The following NRG3 variants were observed in gnomAD, a reference collection of about 807,000 sequenced individuals.
NRG3 encodes neuregulin 3, also known as pro-neuregulin-3, membrane-bound isoform.
A neutral mutation model predicts 66.9 loss-of-function variants in NRG3; 31 were observed. The ratio of observed to expected loss-of-function variants is 0.46; its 90% CI spans 0.35 to 0.63. NRG3 has a LOEUF of 0.63. Among genes scored for constraint, NRG3 ranks in the 20% least tolerant of loss-of-function variants. NRG3 has a pLI of 0.00. For missense variants in NRG3, 910 were observed against 878.9 expected (o/e 1.04, Z -0.45); for synonymous variants, 393 against 359.4 (o/e 1.09, Z -1.06).
intron 1 of NRG3, among the ~76,000 whole-genome samples, chr10:82,247,379 G>T (rs116461494): frequency 6.6e-6 from 1 of 152,076 alleles, no homozygotes; most frequent in African/African-American, 2.4e-5. Context: ...CCACCTTCTC[G>T]CATGTCCCCT....
chr10:82,518,531 G>A (rs1010813367), intron 2 of NRG3, among the ~76,000 whole-genome samples: 12 of 152,164 alleles, frequency 7.9e-5, no homozygotes, highest in African/African-American at 2.9e-4. Context: ...ATTTGTAAAT[G>A]TTTAGAATGA....
At chr10:82,569,883 A>G (rs1275374831) in intron 2 of NRG3, among the ~76,000 whole-genome samples, 2 of 151,662 alleles carry the variant, frequency 1.3e-5, no homozygotes, top group Non-Finnish European at 3.0e-5. Context: ...CAAGCATATC[A>G]TTGCCAAAAC....
chr10:82,757,413 G>A (rs1294741891), intron 3 of NRG3, among the ~76,000 whole-genome samples: 2 of 152,040 alleles, frequency 1.3e-5, no homozygotes, highest in African/African-American at 4.8e-5. Flanking sequence ...TGATTAGATT[G>A]CTACTTTATT....
At chr10:82,508,473 G>A (rs1156274573) in intron 2 of NRG3, among the ~76,000 whole-genome samples, 2 of 152,078 alleles carry the variant, frequency 1.3e-5, no homozygotes, top group African/African-American at 4.8e-5. Context: ...CAACAGCAAT[G>A]AAAACACCAA....
At chr10:82,678,803 T>C (rs775248106) in intron 2 of NRG3, among the ~76,000 whole-genome samples, 5 of 152,200 alleles carry the variant, frequency 3.3e-5, no homozygotes, top group Non-Finnish European at 7.3e-5. Context: ...TGGGTTCTGA[T>C]GCCTACTGCA....
At chr10:82,011,062 A>G (rs2061555508) in intron 1 of NRG3, among the ~76,000 whole-genome samples, 1 of 152,156 alleles carries the variant, frequency 6.6e-6, no homozygotes, top group East Asian at 1.9e-4. Flanking sequence ...CACCTCATAC[A>G]TAGAATATTG....
chr10:82,174,419 A>G (rs2072873987), intron 1 of NRG3, among the ~76,000 whole-genome samples: 2 of 151,690 alleles, frequency 1.3e-5, no homozygotes, highest in South Asian at 2.1e-4. Flanking sequence ...CATTAAGCCA[A>G]TCTTTCCTCA....
At chr10:82,842,304 C>T (rs958490905) in intron 3 of NRG3, among the ~76,000 whole-genome samples, 2 of 152,168 alleles carry the variant, frequency 1.3e-5, no homozygotes, top group Non-Finnish European at 2.9e-5. Context: ...GACTTGTATA[C>T]ATGCCAGTAG....
chr10:82,660,919 C>T (rs1281897707), intron 2 of NRG3, among the ~76,000 whole-genome samples: 5 of 152,026 alleles, frequency 3.3e-5, no homozygotes, highest in Admixed American at 6.6e-5. Context: ...TCAATGTCCT[C>T]CCTCTTCCAT....
chr10:82,152,932 AAAT>A (rs2132818331), intron 1 of NRG3, among the ~76,000 whole-genome samples: 1 of 149,640 alleles, frequency 6.7e-6, no homozygotes, highest in South Asian at 2.1e-4. Context: ...CTTAATTAAC[AAAT>A]AATAATTGCA....
chr10:82,270,213 G>A (rs2078521198), intron 1 of NRG3, among the ~76,000 whole-genome samples: 1 of 152,076 alleles, frequency 6.6e-6, no homozygotes, highest in South Asian at 2.1e-4. Context: ...CATTATTGCT[G>A]TGGATGGGAT....
intron 1 of NRG3, among the ~76,000 whole-genome samples, chr10:82,339,687 C>T (rs2082578523): frequency 6.6e-6 from 1 of 152,066 alleles, no homozygotes; most frequent in Non-Finnish European, 1.5e-5. Context: ...TGTTGAGGTT[C>T]AAATGTCTTA....
chr10:81,895,721 T>C (rs1363857128), intron 1 of NRG3, among the ~76,000 whole-genome samples: 1 of 151,584 alleles, frequency 6.6e-6, no homozygotes, highest in African/African-American at 2.4e-5. Flanking sequence ...TGAATGTGAG[T>C]TTTGCTTCTT....
At chr10:81,994,664 C>T (rs1227999584) in intron 1 of NRG3, among the ~76,000 whole-genome samples, 2 of 151,946 alleles carry the variant, frequency 1.3e-5, no homozygotes, top group Admixed American at 6.6e-5. Context: ...GCTGGGTGCT[C>T]ATTCTTGGTT....
At chr10:82,913,984 T>C (rs1845587346) in intron 4 of NRG3, among the ~76,000 whole-genome samples, 1 of 152,218 alleles carries the variant, frequency 6.6e-6, no homozygotes, top group Non-Finnish European at 1.5e-5. Flanking sequence ...TGTTCCACTG[T>C]GTGTTTATTA....
chr10:81,903,850 C>T (rs1182031350), intron 1 of NRG3, among the ~76,000 whole-genome samples: 1 of 152,174 alleles, frequency 6.6e-6, no homozygotes, highest in East Asian at 1.9e-4. Context: ...CAGCAGAACA[C>T]TGAGCCCTCA....
intron 1 of NRG3, among the ~76,000 whole-genome samples, chr10:81,974,703 G>T (rs879334412): frequency 2.6e-5 from 4 of 152,018 alleles, no homozygotes; most frequent in Non-Finnish European, 5.9e-5. Context: ...TGGAGTTTTT[G>T]GCCCTCTGAC....
chr10:82,585,825 C>T (rs1277857772), intron 2 of NRG3, among the ~76,000 whole-genome samples: 1 of 152,090 alleles, frequency 6.6e-6, no homozygotes, highest in Non-Finnish European at 1.5e-5. Context: ...TTAGTGTGCT[C>T]TATCAATTGA....
At chr10:82,278,558 G>T (rs2078971841) in intron 1 of NRG3, among the ~76,000 whole-genome samples, 1 of 152,104 alleles carries the variant, frequency 6.6e-6, no homozygotes, top group Non-Finnish European at 1.5e-5. Flanking sequence ...CGAGGTTCGT[G>T]CAAACAGAAT....
Sources: allele counts gnomAD v4.1 joint callset (sites outside exome capture counted in the v4.1 genomes callset), GRCh38; gene constraint gnomAD v4.1.1; transcripts MANE v1.5; gene names NCBI Gene and HGNC (gene_info 2026-07-23, HGNC 2026-07-21).